COG6: variants seen among roughly 807,000 people sequenced by gnomAD.
The protein encoded by COG6 is component of oligomeric golgi complex 6.
COG6 carries 74 observed loss-of-function variants against 88.8 expected under a neutral mutation model. The observed-to-expected ratio is 0.83, with a 90% CI of 0.69 to 1.01. COG6 has a LOEUF of 1.01. Among genes scored for constraint, COG6 ranks in the 50% least tolerant of loss-of-function variants. The pLI is 0.00. For synonymous variants in COG6, 286 were observed against 278.7 expected (o/e 1.03, Z -0.26); for missense variants, 800 against 797.9 (o/e 1.00, Z -0.03).
chr13:39,730,377 T>G (rs913397735), intron 18 of COG6, among the ~76,000 whole-genome samples: 3 of 152,184 alleles, frequency 2.0e-5, no homozygotes, highest in African/African-American at 7.2e-5. Context: ...CAACATAATT[T>G]TCAATATTTG....
chr13:39,721,218 T>A (rs1051093479), intron 15 of COG6, among the ~76,000 whole-genome samples: 1 of 152,162 alleles, frequency 6.6e-6, no homozygotes, highest in African/African-American at 2.4e-5. Flanking sequence ...ATGTTTCTTA[T>A]GTGTTCCATA....
At chr13:39,745,869 G>A (rs1320167472) in intron 18 of COG6, among the ~76,000 whole-genome samples, 1 of 152,148 alleles carries the variant, frequency 6.6e-6, no homozygotes, top group Non-Finnish European at 1.5e-5. Context: ...TTAAGAAAAT[G>A]TGGCACATAT....
chr13:39,743,149 C>T (rs546858232), intron 18 of COG6, among the ~76,000 whole-genome samples: 4 of 152,094 alleles, frequency 2.6e-5, no homozygotes, highest in Non-Finnish European at 5.9e-5. Flanking sequence ...AAAGAGAAAG[C>T]AGGAAAGATC....
intron 18 of COG6, among the ~76,000 whole-genome samples, chr13:39,731,812 A>G (rs540526570): frequency 6.6e-6 from 1 of 152,290 alleles, no homozygotes; most frequent in African/African-American, 2.4e-5. Context: ...ACAAAAATAA[A>G]GCAAGTTTGG....
chr13:39,675,567 C>T (rs940392038), intron 4 of COG6, among the ~76,000 whole-genome samples: 1 of 152,004 alleles, frequency 6.6e-6, no homozygotes, highest in South Asian at 2.1e-4. Context: ...TCTTTTGTAG[C>T]TATATATAGA....
downstream of COG6, among the ~76,000 whole-genome samples, chr13:39,755,181 TA>T (rs546333155): frequency 9.9e-4 from 151 of 152,086 alleles, no homozygotes; most frequent in African/African-American, 3.2e-3. Flanking sequence ...CTGAGTTACT[TA>T]AAAAAAGAGA....
intron 18 of COG6, among the ~76,000 whole-genome samples, chr13:39,775,497 TGA>T (rs1371142707): frequency 6.6e-6 from 1 of 152,208 alleles, no homozygotes; most frequent in Non-Finnish European, 1.5e-5. Context: ...GTCCTGACTT[TGA>T]CTTTCACTAG....
Position 39,752,352 on chromosome 13 carries a change from A to AT in COG6, c.*1261dup. 1 of 879,712 alleles carries AT rather than the reference A, an allele frequency of 1.1e-6. No homozygotes were observed. The highest frequency in any genetic ancestry group is 1.6e-5 in the South Asian group (1 of 64,250). The allele number at this position is 879,712 out of a possible 1,614,324, so 54.5% of individuals were successfully genotyped here. ...ATGACCTATTTATCTGAAGTTTATA[A>AT]TTGTTTATACCTAATACAGTTCTTT... On this transcript the variant is annotated 3_prime_UTR_variant, in exon 19 of 19. Coordinates refer to ENST00000455146, the MANE Select transcript of COG6 (RefSeq NM_020751.3).
At chr13:39,666,342 A>G (rs1445610002) in intron 4 of COG6, among the ~76,000 whole-genome samples, 1 of 152,210 alleles carries the variant, frequency 6.6e-6, no homozygotes, top group Non-Finnish European at 1.5e-5. Context: ...TCAAGGTTGC[A>G]GTGGGCTATG....
At chr13:39,672,493 G>A (rs1875709459) in intron 4 of COG6, among the ~76,000 whole-genome samples, 1 of 151,904 alleles carries the variant, frequency 6.6e-6, no homozygotes, top group African/African-American at 2.4e-5. Flanking sequence ...AATCTTTCAT[G>A]CAAATAAGAT....
intron 18 of COG6, among the ~76,000 whole-genome samples, chr13:39,763,348 A>C (rs1881080877): frequency 1.3e-5 from 2 of 151,800 alleles, no homozygotes; most frequent in South Asian, 4.1e-4. Context: ...GTGGCACTAC[A>C]TAATGTTTAA....
chr13:39,702,343 A>G (rs1877627676), intron 13 of COG6, among the ~76,000 whole-genome samples: 1 of 151,990 alleles, frequency 6.6e-6, no homozygotes, highest in Admixed American at 6.6e-5. Context: ...CCTTTTAAAG[A>G]TAGTCAGTAG....
At chr13:39,750,152 T>C (rs996567782) in intron 18 of COG6, among the ~76,000 whole-genome samples, 1 of 152,144 alleles carries the variant, frequency 6.6e-6, no homozygotes, top group Non-Finnish European at 1.5e-5. Context: ...AGAAAATTAG[T>C]ACCAGTGTTC....
At position 39,666,298 on chromosome 13, in the gene COG6, G is replaced by A. The variant is rs142604102; in HGVS notation, c.428+1144G>A. Among the ~76,000 whole-genome samples, 522 of 152,318 alleles carry A rather than the reference G, an allele frequency of 3.4e-3. 9 individuals are homozygous for A. The highest frequency in any genetic ancestry group is 0.012 in the African/African-American group (490 of 41,568). On this transcript the variant is annotated intron_variant, in intron 4 of 18. Transcript: ENST00000455146. ...CACCTGAAGTCCCAGCTATTCTGGA[G>A]GTTGAGGTGGGAAGATCATTTGAGC... is the stretch of plus-strand genomic sequence containing the variant.
Position 39,752,273 on chromosome 13 carries a change from C to T in COG6, c.*1180C>T, listed in dbSNP as rs779125077. 8.5e-5 allele frequency: 77 copies of T among 907,006 alleles called. No individual in the cohort carries two copies. In the South Asian group the frequency reaches 1.3e-3, roughly 15 times the overall value. The allele number at this position is 907,006 out of a possible 1,614,324, so 56.2% of individuals were successfully genotyped here. On this transcript the variant is annotated 3_prime_UTR_variant, in exon 19 of 19. Transcript: ENST00000455146. The stretch of plus-strand genomic sequence containing the variant: ...TATTTTGAAAAGTAATAACATAAAA[C>T]TAGTATTTGTAGAAGATTATGTGTT...
At chr13:39,760,420 C>T (rs777559671) in intron 18 of COG6, among the ~76,000 whole-genome samples, 9 of 151,930 alleles carry the variant, frequency 5.9e-5, no homozygotes, top group Non-Finnish European at 1.2e-4. Context: ...GATTCTTTTA[C>T]AGACAAAGAT....
At chr13:39,677,655 T>C (rs547454820) in intron 5 of COG6, 76 bp downstream of exon 5, 3 of 775,680 alleles carry the variant, frequency 3.9e-6, no homozygotes, top group Non-Finnish European at 4.2e-6. Context: ...TTTTTGAAGC[T>C]TTATTTTCCC....
Position 39,691,435 on chromosome 13 carries a change from A to G in COG6, c.1074+1611A>G, listed in dbSNP as rs561812761. ...AATTTAAATGTAAGATGCCAAAGGT[A>G]AAGAAGACACTAGTAAGCAGACAAG... is the stretch of plus-strand genomic sequence containing the variant. On this transcript the variant is annotated intron_variant, in intron 11 of 18. Transcript: ENST00000455146. Among the ~76,000 whole-genome samples the G allele has an allele frequency of 2.0e-5, 3 of 152,138 alleles. No homozygotes were observed. In the East Asian group the frequency reaches 5.8e-4, roughly 29 times the overall value.
At position 39,699,506 on chromosome 13, in the gene COG6, T is replaced by C; in HGVS notation, c.1172T>C (p.Ile391Thr). 1 of 1,504,636 alleles carries C rather than the reference T, an allele frequency of 6.6e-7. No individual in the cohort carries two copies. The highest frequency in any genetic ancestry group is 1.7e-4 in the Middle Eastern group (1 of 5,780). 93.2% of individuals were successfully genotyped at this position (1,504,636 alleles called of 1,614,324 possible). ...LKFYHHTISG[I>T]VGNSATALLT... ...GAAATATTCTTTGCTTTTAGTGGTATTGTTGGAAATAGTGCAACTGCATTA... is the reference window on the plus strand; with the variant it reads ...GAAATATTCTTTGCTTTTAGTGGTACTGTTGGAAATAGTGCAACTGCATTA... Residue 391 changes from isoleucine to threonine, a missense_variant, in exon 13 of 19, where the codon ATT becomes ACT. Coordinates refer to ENST00000455146, the MANE Select transcript of COG6 (RefSeq NM_020751.3).
Sources: allele counts gnomAD v4.1 joint callset (sites outside exome capture counted in the v4.1 genomes callset), GRCh38; gene constraint gnomAD v4.1.1; transcripts MANE v1.5; gene names NCBI Gene and HGNC (gene_info 2026-07-23, HGNC 2026-07-21).